The following BACH1 variants were observed in gnomAD, a reference collection of about 807,000 sequenced individuals.
BACH1 encodes the protein BTB domain and CNC homolog 1.
BACH1 carries 35 observed loss-of-function variants against 52.9 expected under a neutral mutation model. The ratio of observed to expected loss-of-function variants is 0.66; its 90% CI spans 0.51 to 0.88. The LOEUF is 0.88. Among genes scored for constraint, BACH1 ranks in the 40% least tolerant of loss-of-function variants. The pLI, the probability that BACH1 is intolerant of heterozygous loss-of-function variation, is 0.00. For missense variants in BACH1, 808 were observed against 872.6 expected (o/e 0.93, Z 0.93); for synonymous variants, 321 against 319.6 (o/e 1.00, Z -0.05).
chr21:29,326,571 T>A lies in BACH1; in HGVS notation c.747T>A (p.Ile249=). 1 of 1,614,214 alleles carries A rather than the reference T, an allele frequency of 6.2e-7. No individual in the cohort carries two copies. The highest frequency in any genetic ancestry group is 8.5e-7 in the Non-Finnish European group (1 of 1,180,040). The change falls in exon 3 of 5, where the codon ATT becomes ATA. Residue 249 remains isoleucine (I), a synonymous_variant. Coordinates refer to ENST00000286800, the MANE Select transcript of BACH1 (RefSeq NM_001186.4). ...CTGGGGAATCTAGTGTCAAAGACAT[T>A]CATGCTTCTGTTCAGCCAAATGAAA... The part of the protein sequence containing the change: ...VRTGESSVKD[I]HASVQPNERS...
intron 1 of BACH1, among the ~76,000 whole-genome samples, chr21:29,310,073 C>A (rs2088703184): frequency 6.6e-6 from 1 of 151,900 alleles, no homozygotes; most frequent in Non-Finnish European, 1.5e-5. Flanking sequence ...TTAATTTATT[C>A]TTTAGTAATT....
At chr21:29,347,097 A>G (rs750783863), downstream of BACH1, among the ~76,000 whole-genome samples, 3 of 152,190 alleles carry the variant, frequency 2.0e-5, no homozygotes, top group Admixed American at 6.5e-5. Context: ...TTGAGGGTTT[A>G]GAGGAAGGCC....
Position 29,326,452 on chromosome 21 carries a change from A to C in BACH1, c.628A>C (p.Met210Leu), listed in dbSNP as rs138981213. ...QDSASQTYES[M>L]CLEKDAALAL... ...CAGTGCCAGTCAGACATATGAGTCC[A>C]TGTGCTTAGAGAAGGATGCTGCTCT... is the stretch of plus-strand genomic sequence containing the variant. Residue 210 changes from methionine to leucine, a missense_variant, in exon 3 of 5, where the codon ATG (methionine) becomes CTG (leucine). Coordinates refer to ENST00000286800, the MANE Select transcript of BACH1 (RefSeq NM_001186.4). 50 of 1,614,268 alleles carry C rather than the reference A, an allele frequency of 3.1e-5. No individual in the cohort carries two copies. In the African/African-American group the frequency reaches 5.2e-4, roughly 17 times the overall value.
rs116852219 is a variant in BACH1, at chr21:29,319,703, G to A, written c.-60-1518G>A. Reference sequence around the variant, plus strand: ...GAAGGGTGTGCATCCTAGATACCAGGAAAGAATAAGGAGGCTGGGAGCGTG... The same window carrying A: ...GAAGGGTGTGCATCCTAGATACCAGAAAAGAATAAGGAGGCTGGGAGCGTG... On this transcript the variant is annotated intron_variant, in intron 1 of 4. Transcript: ENST00000286800. 1.5e-4 allele frequency among the ~76,000 whole-genome samples: 22 copies of A among 147,128 alleles called. No individual in the cohort carries two copies. In the East Asian group the frequency reaches 4.4e-3, roughly 29 times the overall value.
rs2089165352 is a variant in BACH1, at chr21:29,346,006, T to G, written c.*3173T>G. ...GTGTCCATATTTTACTGAGACCATG[T>G]TTCATTAAAAGCATAGTTTCATAGT... On this transcript the variant is annotated 3_prime_UTR_variant, in exon 5 of 5. Coordinates refer to ENST00000286800, the MANE Select transcript of BACH1 (RefSeq NM_001186.4). 1 of 152,652 alleles carries G rather than the reference T, an allele frequency of 6.6e-6. No homozygotes were observed. Among genetic ancestry groups the G allele is most frequent in the South Asian group, 2.1e-4 (1 of 4,834 alleles). 9.5% of individuals were successfully genotyped at this position (152,652 alleles called of 1,614,324 possible).
In BACH1 at chr21:29,332,148, A is replaced by T. The variant is rs533044814; in HGVS notation, c.1776+2455A>T. 2.3e-3 allele frequency among the ~76,000 whole-genome samples: 355 copies of T among 152,170 alleles called. 2 individuals are homozygous for T. Among genetic ancestry groups the T allele is most frequent in the African/African-American group, 8.2e-3 (342 of 41,508 alleles). On this transcript the variant is annotated intron_variant, in intron 4 of 4. Transcript: ENST00000286800. Reference sequence around the variant, plus strand: ...CAGGGGCTTCACCGTGTTAGCCAGGATGGTCTCGATCTCCTGACCTCGTGA... The same window carrying T: ...CAGGGGCTTCACCGTGTTAGCCAGGTTGGTCTCGATCTCCTGACCTCGTGA...
Position 29,327,189 on chromosome 21 carries a change from A to G in BACH1, c.1365A>G (p.Thr455=), listed in dbSNP as rs189708113. ...SPEPGQRTFT[T]LSSVNCPFIS... is the part of the protein sequence containing the mutation. Reference sequence around the variant, plus strand: ...AACCAGGTCAAAGGACTTTCACAACATTAAGTTCTGTCAACTGCCCTTTTA... The same window carrying G: ...AACCAGGTCAAAGGACTTTCACAACGTTAAGTTCTGTCAACTGCCCTTTTA... Residue 455 remains threonine, a synonymous_variant, in exon 3 of 5, where the codon ACA becomes ACG. Transcript: ENST00000286800. The G allele has an allele frequency of 1.2e-6, 2 of 1,614,118 alleles. No individual in the cohort carries two copies. The highest frequency in any genetic ancestry group is 1.3e-5 in the African/African-American group (1 of 74,944).
In BACH1 at chr21:29,329,634, C is replaced by T. The variant is rs760272033; in HGVS notation, c.1717C>T (p.Arg573Cys). The T allele has an allele frequency of 6.3e-6, 10 of 1,599,600 alleles. No homozygotes were observed. The highest frequency in any genetic ancestry group is 1.8e-5 in the Admixed American group (1 of 56,618). ...RRSKNRIAAQRCRKRKLDCIQ... is the reference protein window; with the variant it reads ...RRSKNRIAAQCCRKRKLDCIQ... ...AAGTAAAAACAGAATTGCTGCACAG[C>T]GCTGTCGCAAGAGAAAACTTGACTG... Residue 573 changes from arginine (R) to cysteine (C), a missense_variant, in exon 4 of 5, where the codon CGC (arginine) becomes TGC (cysteine). By Grantham distance (180) the Arg-to-Cys change is radical (BLOSUM62 -3). Transcript: ENST00000286800.
At chr21:29,350,237 C>T (rs897980986), downstream of BACH1, among the ~76,000 whole-genome samples, 8 of 152,184 alleles carry the variant, frequency 5.3e-5, no homozygotes, top group African/African-American at 1.9e-4. Context: ...CAATCACATG[C>T]GTCTCTTACT....
chr21:29,341,791 G>GC (rs1354795869), intron 4 of BACH1, among the ~76,000 whole-genome samples: 2 of 152,184 alleles, frequency 1.3e-5, no homozygotes, highest in Non-Finnish European at 2.9e-5. Context: ...AGCTGAGATT[G>GC]CATGTTGGAA....
At chr21:29,342,375 G>T in intron 4 of BACH1, 24 bp from the exon 5 acceptor site, 1 of 1,596,652 alleles carries the variant, frequency 6.3e-7, no homozygotes, top group Non-Finnish European at 8.6e-7. Flanking sequence ...ACAAGCCATT[G>T]TGTTCTCTTT....
In BACH1 at chr21:29,343,679, C is replaced by T. The variant is rs1262133619; in HGVS notation, c.*846C>T. 6.6e-6 allele frequency: 1 copy of T among 152,152 alleles called. No individual in the cohort carries two copies. The highest frequency in any genetic ancestry group is 1.5e-5 in the Non-Finnish European group (1 of 68,032). The allele number at this position is 152,152 out of a possible 1,614,324, so 9.4% of individuals were successfully genotyped here. ...TACACTGGCAGCATTATCTCAGGCT[C>T]CCTAGAATCTGGAGAGCTTACCAAC... On this transcript the variant is annotated 3_prime_UTR_variant, in exon 5 of 5. Coordinates refer to ENST00000286800, the MANE Select transcript of BACH1 (RefSeq NM_001186.4).
At position 29,326,169 on chromosome 21, in the gene BACH1, A is replaced by G. The variant is rs1340165671; in HGVS notation, c.345A>G (p.Val115=). 1.2e-6 allele frequency: 2 copies of G among 1,614,210 alleles called. No individual in the cohort carries two copies. Among genetic ancestry groups the G allele is most frequent in the Admixed American group, 1.7e-5 (1 of 60,032 alleles). ...EVCKCVEFLS[V]HNIEESCFQF... is the part of the protein sequence containing the mutation. ...GCAAATGTGTGGAGTTTTTAAGTGT[A>G]CATAATATTGAGGAATCCTGCTTTC... Residue 115 remains valine (V), a synonymous_variant, in exon 3 of 5, where the codon GTA becomes GTG. Coordinates refer to ENST00000286800, the MANE Select transcript of BACH1 (RefSeq NM_001186.4).
Position 29,299,234 on chromosome 21 carries a change from C to T in BACH1, c.-61+281C>T, listed in dbSNP as rs546101253. ...CTGTTGTTTACCCGCGCGCGCCGTA[C>T]TTTACCCGGGGCGGGCGGGGGCTGG... On this transcript the variant is annotated intron_variant, in intron 1 of 4. Coordinates refer to ENST00000286800, the MANE Select transcript of BACH1 (RefSeq NM_001186.4). Among the ~76,000 whole-genome samples the T allele has an allele frequency of 8.5e-3, 1,297 of 151,750 alleles. 23 individuals carry two copies. Among genetic ancestry groups the T allele is most frequent in the African/African-American group, 0.03 (1,231 of 41,448 alleles).
rs752507271 is a variant in BACH1, at chr21:29,327,055, C to T, written c.1231C>T (p.Pro411Ser). The T allele has an allele frequency of 6.2e-7, 1 of 1,614,180 alleles. No individual in the cohort carries two copies. Among genetic ancestry groups the T allele is most frequent in the South Asian group, 1.1e-5 (1 of 91,080 alleles). The change falls in exon 3 of 5, where the codon CCT becomes TCT. Residue 411 changes from proline to serine, a missense_variant. By Grantham distance (74) the Pro-to-Ser change is moderately conservative. Transcript: ENST00000286800. ...FWSDICSTDT[P>S]CQMQLSPAVA... Reference sequence around the variant, plus strand: ...GAGTGACATTTGCAGCACGGACACTCCTTGCCAAATGCAGTTATCACCTGC... The same window carrying T: ...GAGTGACATTTGCAGCACGGACACTTCTTGCCAAATGCAGTTATCACCTGC...
chr21:29,343,022 G>C lies in BACH1; in HGVS notation c.*189G>C, dbSNP rs1555887506. ...CTACAAGAGACAAAGAAATGATTTT[G>C]CCTCCTGGATATCAGAAAAATCCAT... On this transcript the variant is annotated 3_prime_UTR_variant, in exon 5 of 5. Coordinates refer to ENST00000286800, the MANE Select transcript of BACH1 (RefSeq NM_001186.4). 1 of 555,930 alleles carries C rather than the reference G, an allele frequency of 1.8e-6. No homozygotes were observed. Among genetic ancestry groups the C allele is most frequent in the Non-Finnish European group, 2.9e-6 (1 of 341,396 alleles). 34.4% of individuals were successfully genotyped at this position (555,930 alleles called of 1,614,324 possible).
chr21:29,329,474 T>C lies in BACH1; in HGVS notation c.1570-13T>C. 1 of 1,503,054 alleles carries C rather than the reference T, an allele frequency of 6.7e-7. No homozygotes were observed. The allele number at this position is 1,503,054 out of a possible 1,614,324, so 93.1% of individuals were successfully genotyped here. A position where few individuals can be genotyped will look rare whatever the true frequency, so the allele number is the denominator to read the frequency against. Reference sequence around the variant, plus strand: ...ATACAGCAATAATTAGTAATATTTATTTCATATTCTAGGTAAAACTGCCAT... The same window carrying C: ...ATACAGCAATAATTAGTAATATTTACTTCATATTCTAGGTAAAACTGCCAT... On this transcript the variant is annotated splice_polypyrimidine_tract_variant and intron_variant, in intron 3 of 4. Coordinates refer to ENST00000286800, the MANE Select transcript of BACH1 (RefSeq NM_001186.4).
chr21:29,357,049 G>A (rs1302290905), intron 2 of BACH1, among the ~76,000 whole-genome samples: 2 of 152,280 alleles, frequency 1.3e-5, no homozygotes, highest in Admixed American at 6.5e-5. Context: ...TATTTAATGG[G>A]CGTTCCCCCA....
In BACH1 at chr21:29,326,726, C is replaced by A. The variant is rs775709740; in HGVS notation, c.902C>A (p.Thr301Asn). ...AAAGATCCTGCTTCTCAGTGCCCAA[C>A]TGAAAAATCAGAAGTGACTCCTTTC... is the stretch of plus-strand genomic sequence containing the variant. ...TKKDPASQCPTEKSEVTPFPH... is the reference protein window; with the variant it reads ...TKKDPASQCPNEKSEVTPFPH... Residue 301 changes from threonine (T) to asparagine (N), a missense_variant, in exon 3 of 5, where the codon ACT (threonine) becomes AAT (asparagine). Transcript: ENST00000286800. The A allele has an allele frequency of 3.7e-6, 6 of 1,613,990 alleles. No homozygotes were observed. In the African/African-American group the frequency reaches 6.7e-5, roughly 18 times the overall value.
Sources: gnomAD v4.1 joint callset for allele counts (sites outside exome capture counted in the v4.1 genomes callset) on GRCh38, gnomAD v4.1.1 for gene constraint, MANE v1.5 for transcripts, NCBI Gene and HGNC (gene_info 2026-07-23, HGNC 2026-07-21) for gene names.